Variants in LIX1 observed in about 807,000 individuals in gnomAD.
The protein encoded by LIX1 is limb and CNS expressed 1, also known as protein limb expression 1 homolog.
A neutral mutation model predicts 33.4 loss-of-function variants in LIX1; 24 were observed. The observed-to-expected ratio is 0.72, with a 90% CI of 0.52 to 1.01. The LOEUF is 1.01. LIX1 is among the 50% of genes least tolerant of loss of function. LIX1 has a pLI of 0.00. For missense variants in LIX1, 311 were observed against 339.2 expected (o/e 0.92, Z 0.65); for synonymous variants, 124 against 124.0 (o/e 1.00, Z 0.00).
intron 1 of LIX1, among the ~76,000 whole-genome samples, chr5:97,128,825 T>C (rs1747990894): frequency 1.3e-5 from 2 of 152,194 alleles, no homozygotes; most frequent in Non-Finnish European, 2.9e-5. Context: ...CAGTCTATAC[T>C]GCCATTACTG....
intron 1 of LIX1, among the ~76,000 whole-genome samples, chr5:97,139,163 C>T (rs895795824): frequency 7.9e-5 from 12 of 152,156 alleles, no homozygotes; most frequent in South Asian, 2.1e-4. Flanking sequence ...ACCTTGGGCA[C>T]GTCATTTTAA....
chr5:97,134,374 C>A (rs1489598126), intron 1 of LIX1, among the ~76,000 whole-genome samples: 1 of 152,244 alleles, frequency 6.6e-6, no homozygotes, highest in African/African-American at 2.4e-5. Context: ...CCCGCCTTGG[C>A]CTCCCAAAGG....
chr5:97,098,082 C>T (rs1746488755), intron 4 of LIX1, among the ~76,000 whole-genome samples: 2 of 152,130 alleles, frequency 1.3e-5, no homozygotes, highest in Non-Finnish European at 2.9e-5. Context: ...TCTAAAATTG[C>T]AAGTAAAAGT....
chr5:97,120,664 C>T (rs958680303), intron 2 of LIX1, among the ~76,000 whole-genome samples: 5 of 152,062 alleles, frequency 3.3e-5, no homozygotes, highest in African/African-American at 1.2e-4. Context: ...TCAAGACATG[C>T]ATGAGGAACA....
At chr5:97,123,879 G>A (rs923513514) in intron 2 of LIX1, among the ~76,000 whole-genome samples, 1 of 152,092 alleles carries the variant, frequency 6.6e-6, no homozygotes, top group Non-Finnish European at 1.5e-5. Context: ...GAATGCCTCA[G>A]TTCACATTTA....
intron 2 of LIX1, among the ~76,000 whole-genome samples, chr5:97,121,206 C>T (rs1747777268): frequency 1.3e-5 from 2 of 152,034 alleles, no homozygotes; most frequent in African/African-American, 2.4e-5. Context: ...CAAAAAAGTC[C>T]CTTGATCTAC....
At chr5:97,133,389 C>A (rs1372289771) in intron 1 of LIX1, among the ~76,000 whole-genome samples, 1 of 152,160 alleles carries the variant, frequency 6.6e-6, no homozygotes, top group Non-Finnish European at 1.5e-5. Context: ...GGAAAATGCT[C>A]AGAAAAGAAC....
At chr5:97,110,447 T>A (rs1747323448) in intron 2 of LIX1, among the ~76,000 whole-genome samples, 1 of 152,168 alleles carries the variant, frequency 6.6e-6, no homozygotes, top group African/African-American at 2.4e-5. Flanking sequence ...TTTTTTTAAT[T>A]TTTTTTGTGA....
intron 2 of LIX1, among the ~76,000 whole-genome samples, chr5:97,109,781 T>A (rs935138025): frequency 6.6e-6 from 1 of 151,862 alleles, no homozygotes; most frequent in Non-Finnish European, 1.5e-5. Context: ...GTCCATTATA[T>A]TATTCTTATG....
chr5:97,115,008 T>C lies in LIX1; in HGVS notation c.247-7508A>G, dbSNP rs983105133. Among the ~76,000 whole-genome samples the C allele has an allele frequency of 7.9e-5, 12 of 152,326 alleles. No homozygotes were observed. In the East Asian group the frequency reaches 1.2e-3, roughly 15 times the overall value. ...GTTTAAAAAAAGTCCTTTATGATAGTTCTTCTACAATTAGATCCTTAGGAA... is the reference window on the plus strand; with the variant it reads ...GTTTAAAAAAAGTCCTTTATGATAGCTCTTCTACAATTAGATCCTTAGGAA... On this transcript the variant is annotated intron_variant, in intron 2 of 5. Transcript: ENST00000274382.
intron 1 of LIX1, among the ~76,000 whole-genome samples, chr5:97,141,904 G>A (rs931531707): frequency 1.3e-5 from 2 of 152,148 alleles, no homozygotes; most frequent in African/African-American, 4.8e-5. Context: ...TTGCCATGCT[G>A]TATAAATTGG....
chr5:97,093,815 G>C lies in LIX1; in HGVS notation c.*933C>G, dbSNP rs1456368612. On this transcript the variant is annotated 3_prime_UTR_variant, in exon 6 of 6. Transcript: ENST00000274382. Reference sequence around the variant, plus strand: ...TTCTTGAACAACAAACAGAGCTAAAGGGTCCTTCTCTCAAATGCTGGTGAA... The same window carrying C: ...TTCTTGAACAACAAACAGAGCTAAACGGTCCTTCTCTCAAATGCTGGTGAA... 1 of 152,200 alleles carries C rather than the reference G, an allele frequency of 6.6e-6. No homozygotes were observed. Among genetic ancestry groups the C allele is most frequent in the Non-Finnish European group, 1.5e-5 (1 of 68,024 alleles). 9.4% of individuals were successfully genotyped at this position (152,200 alleles called of 1,614,324 possible). A position where few individuals can be genotyped will look rare whatever the true frequency, so the allele number is the denominator to read the frequency against.
At chr5:97,137,062 A>G (rs780875584) in intron 1 of LIX1, 1 of 433,824 alleles carries the variant, frequency 2.3e-6, no homozygotes, top group South Asian at 1.7e-5. Context: ...TAATCAGTAA[A>G]ACCGTGTCAT....
At chr5:97,129,199 G>A (rs1414388761) in intron 1 of LIX1, among the ~76,000 whole-genome samples, 5 of 151,884 alleles carry the variant, frequency 3.3e-5, no homozygotes, top group Non-Finnish European at 5.9e-5. Flanking sequence ...TTCTTGAATG[G>A]TACCTACTCT....
intron 4 of LIX1, among the ~76,000 whole-genome samples, chr5:97,100,682 AGGGCTGCTGT>A (rs1296812627): frequency 3.3e-5 from 5 of 151,924 alleles, no homozygotes; most frequent in Non-Finnish European, 7.4e-5. Flanking sequence ...TGGGAAGGAG[AGGGCTGCTGT>A]GGAGTTCTGC....
At chr5:97,121,050 CT>C in intron 2 of LIX1, among the ~76,000 whole-genome samples, 1 of 152,040 alleles carries the variant, frequency 6.6e-6, no homozygotes, top group East Asian at 1.9e-4. Flanking sequence ...TCTTATTTGT[CT>C]TTTCAAAGAA....
intron 2 of LIX1, among the ~76,000 whole-genome samples, chr5:97,118,718 A>G (rs1208245722): frequency 6.6e-6 from 1 of 152,174 alleles, no homozygotes; most frequent in Non-Finnish European, 1.5e-5. Flanking sequence ...TCAGTAGATT[A>G]TTTTATTTAT....
intron 4 of LIX1, among the ~76,000 whole-genome samples, chr5:97,102,544 G>A (rs1746766048): frequency 6.6e-6 from 1 of 152,112 alleles, no homozygotes; most frequent in Admixed American, 6.5e-5. Flanking sequence ...TCTCCATCCT[G>A]TATCCAGACT....
intron 1 of LIX1, among the ~76,000 whole-genome samples, chr5:97,134,811 A>G (rs1451889013): frequency 6.6e-6 from 1 of 152,150 alleles, no homozygotes; most frequent in Non-Finnish European, 1.5e-5. Flanking sequence ...GGCTAATGGA[A>G]TCTTGTGGAC....
Sources: gnomAD v4.1 joint callset for allele counts (sites outside exome capture counted in the v4.1 genomes callset) on GRCh38, gnomAD v4.1.1 for gene constraint, MANE v1.5 for transcripts, NCBI Gene and HGNC (gene_info 2026-07-23, HGNC 2026-07-21) for gene names.